EPYC: variants seen among roughly 807,000 people sequenced by gnomAD.
EPYC encodes the protein dermatan sulfate proteoglycan 3.
In EPYC, 28 loss-of-function variants were observed where a neutral mutation model predicts 30.1. That is an observed-to-expected ratio of 0.93 (90% confidence interval 0.69 to 1.28). The LOEUF (loss-of-function observed/expected upper bound fraction) is 1.28, where lower values mean the gene tolerates loss of function less well. Ranked by LOEUF, EPYC falls within the 50% of genes most tolerant of loss-of-function variation. The pLI, the probability that EPYC is intolerant of heterozygous loss-of-function variation, is 0.00. For missense variants in EPYC, 382 were observed against 383.5 expected (o/e 1.00, Z 0.03); for synonymous variants, 144 against 141.4 (o/e 1.02, Z -0.13).
chr12:90,985,676 A>T (rs1877432061), intron 2 of EPYC, among the ~76,000 whole-genome samples: 1 of 151,588 alleles, frequency 6.6e-6, no homozygotes. Context: ...AACGAGAAAC[A>T]AGCTGCCCCC....
chr12:90,992,566 G>C (rs867674494), intron 2 of EPYC, among the ~76,000 whole-genome samples: 1 of 152,074 alleles, frequency 6.6e-6, no homozygotes, highest in Non-Finnish European at 1.5e-5. Context: ...ATAGGTCTTA[G>C]CACAAAAAGG....
At chr12:91,003,326 C>T (rs1055151497) in intron 1 of EPYC, among the ~76,000 whole-genome samples, 2 of 151,900 alleles carry the variant, frequency 1.3e-5, no homozygotes, top group African/African-American at 2.4e-5. Context: ...CTTTAGTCCT[C>T]AGTATTTTAT....
At chr12:90,965,848 T>C (rs1876881017) in intron 6 of EPYC, among the ~76,000 whole-genome samples, 1 of 152,100 alleles carries the variant, frequency 6.6e-6, no homozygotes, top group Admixed American at 6.5e-5. Context: ...ACTGCCTTTG[T>C]TAAATTTCTT....
At chr12:90,978,286 A>G in intron 2 of EPYC, 24 bp from the exon 3 acceptor site, 2 of 1,560,708 alleles carry the variant, frequency 1.3e-6, no homozygotes, top group Non-Finnish European at 1.7e-6. Flanking sequence ...AAAAAAGAGA[A>G]TTTCTTCAGG....
intron 2 of EPYC, among the ~76,000 whole-genome samples, chr12:90,984,517 T>C (rs1471775101): frequency 1.3e-5 from 2 of 152,098 alleles, no homozygotes; most frequent in African/African-American, 2.4e-5. Context: ...CTCTCTGTGA[T>C]GGGGAAAAAT....
chr12:90,978,313 T>A (rs1877243081), intron 2 of EPYC, 51 bp from the exon 3 acceptor site: 3 of 1,535,312 alleles, frequency 2.0e-6, no homozygotes, highest in Non-Finnish European at 2.6e-6. Flanking sequence ...TCTCAGTCAC[T>A]CTGTGTGGCA....
chr12:90,972,559 A>T (rs1296257419), intron 4 of EPYC: 1 of 285,534 alleles, frequency 3.5e-6, no homozygotes, highest in African/African-American at 2.2e-5. Context: ...CAGCATGTAC[A>T]ATATAATTAT....
At chr12:90,971,207 G>A (rs1018713100) in intron 5 of EPYC, among the ~76,000 whole-genome samples, 1 of 152,086 alleles carries the variant, frequency 6.6e-6, no homozygotes, top group Non-Finnish European at 1.5e-5. Context: ...TGTAGATGGT[G>A]CTTCTGTAGA....
At chr12:90,973,047 T>C in intron 3 of EPYC, 67 bp from the exon 4 acceptor site, 1 of 1,132,166 alleles carries the variant, frequency 8.8e-7, no homozygotes, top group Non-Finnish European at 1.3e-6. Flanking sequence ...TAATGTGGAA[T>C]GTTTGATACA....
intron 6 of EPYC, among the ~76,000 whole-genome samples, chr12:90,967,588 G>C (rs1160716289): frequency 2.6e-5 from 4 of 152,150 alleles, no homozygotes; most frequent in African/African-American, 7.2e-5. Context: ...TGGGTGGAAT[G>C]TTCTGTCGAT....
At chr12:90,994,398 G>T (rs1034822713) in intron 2 of EPYC, among the ~76,000 whole-genome samples, 2 of 152,226 alleles carry the variant, frequency 1.3e-5, no homozygotes, top group Middle Eastern at 3.4e-3. Flanking sequence ...TCCTCAAAAG[G>T]TATCTTCTAA....
intron 2 of EPYC, among the ~76,000 whole-genome samples, chr12:90,998,192 C>T (rs150202705): frequency 1.2e-4 from 19 of 152,078 alleles, no homozygotes; most frequent in African/African-American, 4.6e-4. Flanking sequence ...AATAAATGCT[C>T]ACTTAAGGTT....
In EPYC at chr12:90,970,952, G is replaced by A. The variant is rs368624461; in HGVS notation, c.703-813C>T. Among the ~76,000 whole-genome samples, 25 of 152,322 alleles carry A rather than the reference G, an allele frequency of 1.6e-4. No individual in the cohort carries two copies. The South Asian group carries it at 5.2e-3, about 32-fold the overall frequency. ...GAGGCAAGAAAGCCAGTTGGTTACT[G>A]TTCTCAGACCCTATGCTGTTTTTCA... On this transcript the variant is annotated intron_variant, in intron 5 of 6. Transcript: ENST00000261172.
rs780799374 is a variant in EPYC at position 91,002,394 on chromosome 12, C to T, written c.165+7G>A. 5.6e-6 allele frequency: 9 copies of T among 1,608,858 alleles called. No homozygotes were observed. The highest frequency in any genetic ancestry group is 4.4e-5 in the South Asian group (4 of 90,050). ...TTTAAAGTTTCAAGAGTAGGAGGAT[C>T]GATTACCTCAACTTTATCAACAGGT... On this transcript the variant is annotated splice_region_variant and intron_variant, in intron 2 of 6. Transcript: ENST00000261172.
Position 90,978,206 on chromosome 12 carries a change from T to TG in EPYC, c.221dup (p.Gln75ThrfsTer3). Reference sequence around the variant, plus strand: ...CCTCTTCCTGGGCCTTCTCAGGCTGTGGGGGTGGAGTGAGGAGCTCTCTGT... The same window carrying TG: ...CCTCTTCCTGGGCCTTCTCAGGCTGTGGGGGGTGGAGTGAGGAGCTCTCTGT... On this transcript the variant is annotated frameshift_variant, in exon 3 of 7. Coordinates refer to ENST00000261172, the MANE Select transcript of EPYC (RefSeq NM_004950.5). LOFTEE classifies it high-confidence loss of function. 6.3e-7 allele frequency: 1 copy of TG among 1,598,498 alleles called. No individual in the cohort carries two copies. Among genetic ancestry groups the TG allele is most frequent in the Non-Finnish European group, 8.5e-7 (1 of 1,174,818 alleles).
intron 2 of EPYC, among the ~76,000 whole-genome samples, chr12:90,983,754 G>A (rs1235694855): frequency 1.3e-5 from 2 of 152,084 alleles, no homozygotes; most frequent in South Asian, 4.2e-4. Context: ...GGCTAGTCCT[G>A]CTTCTAAAAA....
rs772455459 is a variant in EPYC, at chr12:90,970,175, C to T, written c.703-36G>A. ...TCCAAATGTGGGAACTCAATAAAAACTCAATAAAAACTCAATAAGAAATAA... is the reference window on the plus strand; with the variant it reads ...TCCAAATGTGGGAACTCAATAAAAATTCAATAAAAACTCAATAAGAAATAA... On this transcript the variant is annotated intron_variant, in intron 5 of 6. Transcript: ENST00000261172. 3.4e-6 allele frequency: 5 copies of T among 1,456,542 alleles called. No individual in the cohort carries two copies. In the South Asian group the frequency reaches 5.8e-5, roughly 17 times the overall value. 90.2% of individuals were successfully genotyped at this position (1,456,542 alleles called of 1,614,324 possible).
intron 1 of EPYC, among the ~76,000 whole-genome samples, chr12:91,002,892 A>G (rs980766175): frequency 1.8e-4 from 28 of 152,108 alleles, no homozygotes; most frequent in Admixed American, 1.1e-3. Flanking sequence ...TAATTTTACC[A>G]TTTAATAAAC....
In EPYC at chr12:90,969,950, A is replaced by G. The variant is rs547584552; in HGVS notation, c.798+94T>C. 1.8e-5 allele frequency: 15 copies of G among 817,788 alleles called. No individual in the cohort carries two copies. The African/African-American group carries it at 2.4e-4, about 13-fold the overall frequency. The allele number at this position is 817,788 out of a possible 1,614,324, so 50.7% of individuals were successfully genotyped here. ...GAAGAAAAGTTATCACAGTGTGTCA[A>G]CATGCCATTACAGACAAATTCTTGT... On this transcript the variant is annotated intron_variant, in intron 6 of 6. Coordinates refer to ENST00000261172, the MANE Select transcript of EPYC (RefSeq NM_004950.5).
Sources: allele counts gnomAD v4.1 joint callset (sites outside exome capture counted in the v4.1 genomes callset), GRCh38; gene constraint gnomAD v4.1.1; transcripts MANE v1.5; gene names NCBI Gene and HGNC (gene_info 2026-07-23, HGNC 2026-07-21).